Variants in GALNT14 observed in about 807,000 individuals in gnomAD.
GALNT14 encodes the protein UDP-GalNAc:polypeptide N-acetylgalactosaminyltransferase 14.
In GALNT14, 60 loss-of-function variants were observed where a neutral mutation model predicts 77.5. That is an observed-to-expected ratio of 0.77 (90% CI 0.63 to 0.96). GALNT14 has a LOEUF of 0.96. Among genes scored for constraint, GALNT14 ranks in the 40% least tolerant of loss-of-function variants. The pLI is 0.00. For synonymous variants in GALNT14, 280 were observed against 281.7 expected, an observed-to-expected ratio of 0.99 and a Z score of 0.06; for missense variants, 710 against 731.0, an observed-to-expected ratio of 0.97 and a Z score of 0.33.
intron 1 of GALNT14, among the ~76,000 whole-genome samples, chr2:30,997,261 A>C (rs1401736908): frequency 6.6e-6 from 1 of 152,142 alleles, no homozygotes; most frequent in Non-Finnish European, 1.5e-5. Context: ...GAGTCCCCAC[A>C]TCCAGCTTCC....
chr2:30,905,899 C>T (rs1471719663), downstream of GALNT14, among the ~76,000 whole-genome samples: 1 of 151,568 alleles, frequency 6.6e-6, no homozygotes, highest in Non-Finnish European at 1.5e-5. Flanking sequence ...AGAGTCAGGG[C>T]CAATATTCAA....
intron 6 of GALNT14, among the ~76,000 whole-genome samples, chr2:30,949,769 C>T (rs1273526620): frequency 2.0e-5 from 3 of 152,306 alleles, no homozygotes; most frequent in East Asian, 1.9e-4. Flanking sequence ...ATTTAGGAAT[C>T]GTGGCAGGTA....
chr2:30,925,828 C>G (rs114022892), intron 11 of GALNT14, among the ~76,000 whole-genome samples: 3,807 of 152,218 alleles, frequency 0.025, 175 homozygotes, highest in African/African-American at 0.085. Context: ...CATTTCAGTG[C>G]TGGTCCACAA....
At chr2:31,105,462 A>T (rs1190668290) in intron 1 of GALNT14, among the ~76,000 whole-genome samples, 2 of 152,180 alleles carry the variant, frequency 1.3e-5, no homozygotes, top group Non-Finnish European at 2.9e-5. Flanking sequence ...AGAAACCAAG[A>T]TCTCTGTAAT....
At chr2:30,913,458 ACATGGTG>A (rs2148200450) in intron 13 of GALNT14, among the ~76,000 whole-genome samples, 1 of 152,278 alleles carries the variant, frequency 6.6e-6, no homozygotes, top group African/African-American at 2.4e-5. Flanking sequence ...CCCCAGGCAG[ACATGGTG>A]GTCATCTGTC....
At chr2:31,029,232 T>C (rs536252984) in intron 1 of GALNT14, among the ~76,000 whole-genome samples, 24 of 152,332 alleles carry the variant, frequency 1.6e-4, no homozygotes, top group Admixed American at 1.4e-3. Flanking sequence ...ACAAGCTCTA[T>C]GACTCTTATT....
intron 1 of GALNT14, among the ~76,000 whole-genome samples, chr2:31,024,121 A>T (rs1671901387): frequency 6.6e-6 from 1 of 151,896 alleles, no homozygotes; most frequent in Non-Finnish European, 1.5e-5. Context: ...TGACTCCTCT[A>T]TCTCAATCCC....
At chr2:31,012,758 A>T (rs1291233540) in intron 1 of GALNT14, among the ~76,000 whole-genome samples, 1 of 152,204 alleles carries the variant, frequency 6.6e-6, no homozygotes, top group East Asian at 1.9e-4. Context: ...ACAAAATGGA[A>T]CACAGTATGA....
intron 1 of GALNT14, among the ~76,000 whole-genome samples, chr2:31,057,096 A>C (rs1674256914): frequency 6.6e-6 from 1 of 151,930 alleles, no homozygotes. Flanking sequence ...CATGGATACA[A>C]AGACAGCAAC....
At chr2:31,064,119 T>C (rs1270812397) in intron 1 of GALNT14, among the ~76,000 whole-genome samples, 5 of 145,038 alleles carry the variant, frequency 3.4e-5, no homozygotes, top group African/African-American at 1.3e-4. Flanking sequence ...TCTAGACTGG[T>C]GGCTATTGGC....
chr2:30,901,586 G>GTA, the GALNT14 span, among the ~76,000 whole-genome samples: 15 of 150,948 alleles, frequency 9.9e-5, no homozygotes, highest in East Asian at 1.4e-3. Context: ...ATATATGTGA[G>GTA]TATATATATA....
At chr2:31,053,626 T>C (rs1208472113) in intron 1 of GALNT14, among the ~76,000 whole-genome samples, 1 of 152,178 alleles carries the variant, frequency 6.6e-6, no homozygotes, top group Non-Finnish European at 1.5e-5. Flanking sequence ...CTCCATTTTT[T>C]AGCCTGAATC....
At chr2:30,999,980 C>T (rs1670265860) in intron 1 of GALNT14, among the ~76,000 whole-genome samples, 1 of 152,222 alleles carries the variant, frequency 6.6e-6, no homozygotes, top group Non-Finnish European at 1.5e-5. Flanking sequence ...TGGAGCCACA[C>T]ATGTTTTGCT....
intron 1 of GALNT14, among the ~76,000 whole-genome samples, chr2:31,117,978 T>C (rs1678197449): frequency 6.6e-6 from 1 of 152,186 alleles, no homozygotes; most frequent in African/African-American, 2.4e-5. Flanking sequence ...GTGTGGCCTA[T>C]AAATAGAACC....
At chr2:31,094,610 C>T (rs1234834158) in intron 1 of GALNT14, among the ~76,000 whole-genome samples, 1 of 152,212 alleles carries the variant, frequency 6.6e-6, no homozygotes, top group Non-Finnish European at 1.5e-5. Flanking sequence ...TTCCACATGC[C>T]AGACTTCACC....
chr2:30,969,023 G>C (rs1331534644), intron 2 of GALNT14, among the ~76,000 whole-genome samples: 1 of 152,184 alleles, frequency 6.6e-6, no homozygotes, highest in African/African-American at 2.4e-5. Flanking sequence ...GAGGGGCTTG[G>C]AGAGGCCCAG....
chr2:30,943,170 GTA>G (rs1391298178), intron 8 of GALNT14, among the ~76,000 whole-genome samples: 1 of 152,192 alleles, frequency 6.6e-6, no homozygotes, highest in Non-Finnish European at 1.5e-5. Flanking sequence ...CCCGTGTGTG[GTA>G]TGCTGTTACA....
At chr2:30,928,454 C>T (rs375442522) in intron 11 of GALNT14, among the ~76,000 whole-genome samples, 1 of 152,244 alleles carries the variant, frequency 6.6e-6, no homozygotes, top group South Asian at 2.1e-4. Context: ...CACCATCCCC[C>T]CTCTGCCATG....
Position 31,050,543 on chromosome 2 carries a change from C to T in GALNT14, c.130-57536G>A, listed in dbSNP as rs565230073. Reference sequence around the variant, plus strand: ...CTAAATGCAACGTGGGGGCCTGGATCAGCTCCTGGGACAGAAAGGGGCATC... The same window carrying T: ...CTAAATGCAACGTGGGGGCCTGGATTAGCTCCTGGGACAGAAAGGGGCATC... On this transcript the variant is annotated intron_variant, in intron 1 of 14. Transcript: ENST00000349752. 5.1e-4 allele frequency among the ~76,000 whole-genome samples: 78 copies of T among 152,240 alleles called. 1 individual carries two copies. Among genetic ancestry groups the T allele is most frequent in the African/African-American group, 1.8e-3 (75 of 41,552 alleles).
Sources: gnomAD v4.1 joint callset for allele counts (sites outside exome capture counted in the v4.1 genomes callset) on GRCh38, gnomAD v4.1.1 for gene constraint, MANE v1.5 for transcripts, NCBI Gene and HGNC (gene_info 2026-07-23, HGNC 2026-07-21) for gene names.